Variants in USP3 observed in about 807,000 individuals in gnomAD.
The protein encoded by USP3 is ubiquitin specific peptidase 3.
In USP3, 20 loss-of-function variants were observed where a neutral mutation model predicts 72.3. The ratio of observed to expected loss-of-function variants is 0.28; its 90% CI spans 0.19 to 0.40. The LOEUF (loss-of-function observed/expected upper bound fraction) is 0.40. Ranked by LOEUF, USP3 falls within the 10% of genes least tolerant of loss-of-function variation. The pLI is 1.00. For synonymous variants in USP3, 222 were observed against 225.3 expected, an observed-to-expected ratio of 0.99 and a Z score of 0.13; for missense variants, 479 against 633.9, an observed-to-expected ratio of 0.76 and a Z score of 2.62.
At chr15:63,516,846 C>G (rs2065856617) in intron 1 of USP3, among the ~76,000 whole-genome samples, 1 of 151,272 alleles carries the variant, frequency 6.6e-6, no homozygotes, top group African/African-American at 2.4e-5. Context: ...AGGTTCACAT[C>G]CTTGAGTTAA....
chr15:63,559,298 T>C (rs2066565552), intron 6 of USP3, among the ~76,000 whole-genome samples: 1 of 152,228 alleles, frequency 6.6e-6, no homozygotes, highest in Non-Finnish European at 1.5e-5. Context: ...TGCATACTTT[T>C]AGATTTTAAT....
At chr15:63,560,063 A>G (rs900541983) in intron 7 of USP3, 93 bp downstream of exon 7, 56 of 986,290 alleles carry the variant, frequency 5.7e-5, no homozygotes, top group Non-Finnish European at 8.0e-5. Flanking sequence ...GCTAACAGGC[A>G]CATGCCTTAA....
intron 3 of USP3, among the ~76,000 whole-genome samples, chr15:63,538,166 T>G (rs1356754284): frequency 6.6e-5 from 10 of 152,182 alleles, no homozygotes; most frequent in Admixed American, 6.5e-4. Flanking sequence ...ATCCATTTGG[T>G]TATGCTCAGA....
At chr15:63,530,293 C>T (rs117449064) in intron 1 of USP3, among the ~76,000 whole-genome samples, 15,577 of 132,188 alleles carry the variant, frequency 0.12, 1,266 homozygotes, top group South Asian at 0.19. Flanking sequence ...CTCCTTCCCT[C>T]CCTTCCTTCC....
chr15:63,587,443 G>C (rs1169618964), intron 11 of USP3, among the ~76,000 whole-genome samples: 1 of 152,122 alleles, frequency 6.6e-6, no homozygotes, highest in African/African-American at 2.4e-5. Flanking sequence ...TCATCAGTAG[G>C]TTCTTGGAAA....
intron 1 of USP3, among the ~76,000 whole-genome samples, chr15:63,516,850 G>C (rs1286585041): frequency 6.6e-6 from 1 of 151,198 alleles, no homozygotes; most frequent in East Asian, 1.9e-4. Flanking sequence ...TCACATCCTT[G>C]AGTTAAAAGA....
At chr15:63,587,313 A>G (rs1304934834) in intron 11 of USP3, among the ~76,000 whole-genome samples, 1 of 152,128 alleles carries the variant, frequency 6.6e-6, no homozygotes, top group African/African-American at 2.4e-5. Context: ...TGTGGGGTCC[A>G]TAGGCATTCA....
chr15:63,569,480 T>A (rs750714491), intron 8 of USP3, among the ~76,000 whole-genome samples: 3 of 152,142 alleles, frequency 2.0e-5, no homozygotes, highest in Non-Finnish European at 2.9e-5. Context: ...TGGAAGAAAT[T>A]TTATGGAACC....
At chr15:63,550,174 C>T (rs556616920) in intron 3 of USP3, among the ~76,000 whole-genome samples, 2 of 152,310 alleles carry the variant, frequency 1.3e-5, no homozygotes, top group African/African-American at 4.8e-5. Context: ...CGTGTGCCAC[C>T]ACGCCAAGCT....
chr15:63,576,132 G>T (rs890016767), intron 11 of USP3, among the ~76,000 whole-genome samples: 1 of 151,884 alleles, frequency 6.6e-6, no homozygotes, highest in African/African-American at 2.4e-5. Context: ...GACTACAGGC[G>T]TATGCCACCA....
At chr15:63,586,743 AT>A (rs2067072385) in intron 11 of USP3, 1 of 152,260 alleles carries the variant, frequency 6.6e-6, no homozygotes, top group Non-Finnish European at 1.5e-5. Flanking sequence ...CTGACATAAA[AT>A]AGCAGGTTGA....
At chr15:63,569,550 A>G (rs1386867866) in intron 8 of USP3, among the ~76,000 whole-genome samples, 1 of 152,228 alleles carries the variant, frequency 6.6e-6, no homozygotes, top group Non-Finnish European at 1.5e-5. Flanking sequence ...AAACTTAATG[A>G]TTTAGATTAA....
chr15:63,562,858 C>A, intron 7 of USP3, 37 bp from the exon 8 acceptor site: 1 of 1,401,836 alleles, frequency 7.1e-7, no homozygotes, highest in South Asian at 1.3e-5. Flanking sequence ...TGTAGCCTCT[C>A]ACTAATCTGA....
intron 1 of USP3, among the ~76,000 whole-genome samples, chr15:63,525,123 A>G (rs1229265598): frequency 6.6e-6 from 1 of 152,188 alleles, no homozygotes; most frequent in Non-Finnish European, 1.5e-5. Flanking sequence ...CCCCAGAAGG[A>G]GGAAAGTGGA....
chr15:63,521,392 A>G (rs754502990), intron 1 of USP3, among the ~76,000 whole-genome samples: 2 of 152,210 alleles, frequency 1.3e-5, no homozygotes, highest in Non-Finnish European at 2.9e-5. Flanking sequence ...AGAACACACA[A>G]AAAAATTAAC....
chr15:63,547,316 A>G (rs2066343995), intron 3 of USP3, among the ~76,000 whole-genome samples: 1 of 152,290 alleles, frequency 6.6e-6, no homozygotes, highest in Non-Finnish European at 1.5e-5. Flanking sequence ...CTTGAAATAA[A>G]TGTCCCTCTT....
At chr15:63,540,623 A>G (rs544337549) in intron 3 of USP3, among the ~76,000 whole-genome samples, 1 of 152,280 alleles carries the variant, frequency 6.6e-6, no homozygotes, top group African/African-American at 2.4e-5. Flanking sequence ...TTCCCTCCCA[A>G]GATGGACACC....
intron 3 of USP3, among the ~76,000 whole-genome samples, chr15:63,538,344 T>C (rs2066190274): frequency 1.3e-5 from 2 of 152,154 alleles, no homozygotes; most frequent in Admixed American, 1.3e-4. Context: ...AGATATTTTT[T>C]ATTGTCAGAC....
At chr15:63,584,092 GTT>G (rs61574200) in intron 11 of USP3, among the ~76,000 whole-genome samples, 3,757 of 85,476 alleles carry the variant, frequency 0.044, 92 homozygotes, top group African/African-American at 0.16. Context: ...CAACGGTTTT[GTT>G]TTTTTTTTTT....
Sources: allele counts gnomAD v4.1 joint callset (sites outside exome capture counted in the v4.1 genomes callset), GRCh38; gene constraint gnomAD v4.1.1; transcripts MANE v1.5; gene names NCBI Gene and HGNC (gene_info 2026-07-23, HGNC 2026-07-21).